The following MRPL50 variants were observed in gnomAD, a reference collection of about 807,000 sequenced individuals.
The protein encoded by MRPL50 is mitochondrial ribosomal protein L50.
A neutral mutation model predicts 16.2 loss-of-function variants in MRPL50; 10 were observed. That is an observed-to-expected ratio of 0.62 (90% CI 0.38 to 1.05). The LOEUF (loss-of-function observed/expected upper bound fraction) is 1.05, where lower values mean the gene tolerates loss of function less well. MRPL50 is among the 50% of genes least tolerant of loss of function. The pLI, the probability that MRPL50 is intolerant of heterozygous loss-of-function variation, is 0.01. For missense variants in MRPL50, 213 were observed against 187.1 expected (o/e 1.14, Z -0.81); for synonymous variants, 68 against 66.8 (o/e 1.02, Z -0.09).
chr9:101,396,984 A>C (rs1171595428), intron 1 of MRPL50, among the ~76,000 whole-genome samples: 3 of 152,130 alleles, frequency 2.0e-5, no homozygotes, highest in Admixed American at 6.5e-5. Context: ...AACAGAGAGT[A>C]GGATGGTGGC....
At chr9:101,394,793 C>T (rs189149985) in intron 1 of MRPL50, among the ~76,000 whole-genome samples, 1 of 151,840 alleles carries the variant, frequency 6.6e-6, no homozygotes, top group African/African-American at 2.4e-5. Context: ...CAAAAATAGA[C>T]AAATGGGATT....
rs373260839 is a variant in MRPL50 at position 101,395,640 on chromosome 9, T to C, written c.92+2861A>G. ...TAACATGGATGAAACTGGAGGACAC[T>C]CTTTAGTGAAATAAGCCAGGTGCAG... On this transcript the variant is annotated intron_variant, in intron 1 of 1. Transcript: ENST00000374865. Among the ~76,000 whole-genome samples the C allele has an allele frequency of 2.2e-4, 34 of 152,020 alleles. 2 individuals are homozygous for C. The highest frequency in any genetic ancestry group is 1.2e-3 in the Admixed American group (18 of 15,276).
In MRPL50 at chr9:101,389,579, T is replaced by A; in HGVS notation, c.*887A>T. The A allele has an allele frequency of 1.3e-6, 1 of 794,878 alleles. No homozygotes were observed. The highest frequency in any genetic ancestry group is 1.6e-5 in the South Asian group (1 of 61,516). 49.2% of individuals were successfully genotyped at this position (794,878 alleles called of 1,614,324 possible). A position where few individuals can be genotyped will look rare whatever the true frequency, so the allele number is the denominator to read the frequency against. ...TCAGCAGTCAGAACAATATAAGACA[T>A]TCCTTCTGTCTCATTACTCTCCAGC... is the stretch of plus-strand genomic sequence containing the variant. On this transcript the variant is annotated 3_prime_UTR_variant, in exon 2 of 2. Transcript: ENST00000374865.
chr9:101,389,480 G>C lies in MRPL50; in HGVS notation c.*986C>G, dbSNP rs1306688044. ...CAACTGAATTTTGCCCTCTTCAAAG[G>C]AGTAACCCTGGGAAAGAGAATAAAT... is the stretch of plus-strand genomic sequence containing the variant. On this transcript the variant is annotated 3_prime_UTR_variant, in exon 2 of 2. Transcript: ENST00000374865. 4.7e-6 allele frequency: 6 copies of C among 1,286,356 alleles called. No homozygotes were observed. The East Asian group carries it at 3.3e-4, about 72-fold the overall frequency. 79.7% of individuals were successfully genotyped at this position (1,286,356 alleles called of 1,614,324 possible).
chr9:101,390,851 C>A lies in MRPL50; in HGVS notation c.93-1G>T. 6.3e-7 allele frequency: 1 copy of A among 1,578,160 alleles called. No homozygotes were observed. The highest frequency in any genetic ancestry group is 1.2e-5 in the South Asian group (1 of 84,996). On this transcript the variant is annotated splice_acceptor_variant, in intron 1 of 1. Coordinates refer to ENST00000374865, the MANE Select transcript of MRPL50 (RefSeq NM_019051.3). LOFTEE classifies it high-confidence loss of function. ...AACAACCACTGGCTCTTTCTCTTTTCTGGAATGATCAAAAACAAACAGACA... is the reference window on the plus strand; with the variant it reads ...AACAACCACTGGCTCTTTCTCTTTTATGGAATGATCAAAAACAAACAGACA...
intron 1 of MRPL50, among the ~76,000 whole-genome samples, chr9:101,392,254 G>C (rs866397654): frequency 4.6e-5 from 7 of 151,570 alleles, no homozygotes; most frequent in Middle Eastern, 3.4e-3. Context: ...CCTTAAATTA[G>C]AAAAAGACAA....
chr9:101,392,112 A>C (rs1398423958), intron 1 of MRPL50, among the ~76,000 whole-genome samples: 2 of 152,086 alleles, frequency 1.3e-5, no homozygotes, highest in African/African-American at 4.8e-5. Context: ...AAACGTCTTG[A>C]AGCAATAAAA....
At chr9:101,392,682 C>T (rs894114436) in intron 1 of MRPL50, among the ~76,000 whole-genome samples, 1 of 152,034 alleles carries the variant, frequency 6.6e-6, no homozygotes, top group Non-Finnish European at 1.5e-5. Context: ...GGCTTCACTA[C>T]TGAACTCTAG....
intron 1 of MRPL50, among the ~76,000 whole-genome samples, chr9:101,395,737 A>C (rs913648814): frequency 6.6e-6 from 1 of 152,022 alleles, no homozygotes; most frequent in African/African-American, 2.4e-5. Flanking sequence ...TGGAGGTAGT[A>C]ATAAATTGAT....
At chr9:101,392,856 A>G (rs1244523764) in intron 1 of MRPL50, among the ~76,000 whole-genome samples, 1 of 152,092 alleles carries the variant, frequency 6.6e-6, no homozygotes, top group Non-Finnish European at 1.5e-5. Context: ...CACATTCTAC[A>G]AGACCAGCAT....
chr9:101,394,013 G>C, intron 1 of MRPL50, among the ~76,000 whole-genome samples: 1 of 69,164 alleles, frequency 1.4e-5, no homozygotes. Context: ...AAAAAAAAAA[G>C]ACCACACCTA....
chr9:101,394,275 A>C (rs1350548601), intron 1 of MRPL50, among the ~76,000 whole-genome samples: 2 of 152,120 alleles, frequency 1.3e-5, no homozygotes, highest in Non-Finnish European at 2.9e-5. Context: ...ATCCTCCCCA[A>C]ATTGCTCCTG....
chr9:101,389,463 T>G lies in MRPL50; in HGVS notation c.*1003A>C. 2.3e-6 allele frequency: 3 copies of G among 1,287,618 alleles called. No individual in the cohort carries two copies. Among genetic ancestry groups the G allele is most frequent in the Non-Finnish European group, 3.0e-6 (3 of 987,494 alleles). The allele number at this position is 1,287,618 out of a possible 1,614,324, so 79.8% of individuals were successfully genotyped here. A position where few individuals can be genotyped will look rare whatever the true frequency, so the allele number is the denominator to read the frequency against. ...TCCAGAATTTATATTCCCAACTGAA[T>G]TTTGCCCTCTTCAAAGGAGTAACCC... On this transcript the variant is annotated 3_prime_UTR_variant, in exon 2 of 2. Coordinates refer to ENST00000374865, the MANE Select transcript of MRPL50 (RefSeq NM_019051.3).
At chr9:101,393,069 C>T (rs894795399) in intron 1 of MRPL50, among the ~76,000 whole-genome samples, 26 of 151,978 alleles carry the variant, frequency 1.7e-4, no homozygotes, top group South Asian at 6.2e-4. Context: ...TCAACAAATT[C>T]GATACATCAC....
Position 101,390,815 on chromosome 9 carries a change from TCTA to T in MRPL50, c.125_127del (p.Val42del), listed in dbSNP as rs779972628. The T allele has an allele frequency of 6.2e-7, 1 of 1,608,100 alleles. No individual in the cohort carries two copies. Among genetic ancestry groups the T allele is most frequent in the Admixed American group, 1.7e-5 (1 of 58,818 alleles). Reference sequence around the variant, plus strand: ...CACTAGGATAGGTTCCTTTTTCTCTTCTACTGTCTCAACAACCACTGGCTCTTT... The same window carrying T: ...CACTAGGATAGGTTCCTTTTTCTCTTCTGTCTCAACAACCACTGGCTCTTT... On this transcript the variant is annotated inframe_deletion, in exon 2 of 2. Coordinates refer to ENST00000374865, the MANE Select transcript of MRPL50 (RefSeq NM_019051.3).
In MRPL50 at chr9:101,388,755, T is replaced by C. The variant is rs1830232457; in HGVS notation, c.*1711A>G. ...ACCAAGACTGTGTGTTCCCCATCTG[T>C]GGATTCAACCAATTGTGGATCAAAA... On this transcript the variant is annotated 3_prime_UTR_variant, in exon 2 of 2. Transcript: ENST00000374865. The C allele has an allele frequency of 6.6e-6, 1 of 152,130 alleles. No individual in the cohort carries two copies. The highest frequency in any genetic ancestry group is 1.5e-5 in the Non-Finnish European group (1 of 67,996). The allele number at this position is 152,130 out of a possible 1,614,324, so 9.4% of individuals were successfully genotyped here. A position where few individuals can be genotyped will look rare whatever the true frequency, so the allele number is the denominator to read the frequency against.
intron 1 of MRPL50, among the ~76,000 whole-genome samples, chr9:101,392,082 A>T (rs1225374471): frequency 1.3e-5 from 2 of 152,132 alleles, no homozygotes; most frequent in Non-Finnish European, 2.9e-5. Flanking sequence ...GTCAATGATG[A>T]AATTAGGAAG....
At chr9:101,391,611 G>C (rs1830272109) in intron 1 of MRPL50, among the ~76,000 whole-genome samples, 1 of 152,074 alleles carries the variant, frequency 6.6e-6, no homozygotes. Context: ...TAATCATAAT[G>C]AGGTCAATTC....
chr9:101,398,207 G>A (rs1171493645), intron 1 of MRPL50, among the ~76,000 whole-genome samples: 4 of 152,134 alleles, frequency 2.6e-5, no homozygotes, highest in African/African-American at 7.2e-5. Context: ...CAACACACTC[G>A]GTGTCTCGCA....
Sources: allele counts gnomAD v4.1 joint callset (sites outside exome capture counted in the v4.1 genomes callset), GRCh38; gene constraint gnomAD v4.1.1; transcripts MANE v1.5; gene names NCBI Gene and HGNC (gene_info 2026-07-23, HGNC 2026-07-21).